Variants in RUVBL2 observed in about 807,000 individuals in gnomAD.
The protein encoded by RUVBL2 is RuvB like AAA ATPase 2.
A neutral mutation model predicts 57.9 loss-of-function variants in RUVBL2; 9 were observed. The ratio of observed to expected loss-of-function variants is 0.16; its 90% CI spans 0.09 to 0.27. RUVBL2 has a LOEUF of 0.27. Among genes scored for constraint, RUVBL2 ranks in the 10% least tolerant of loss-of-function variants. RUVBL2 has a pLI of 1.00. For missense variants in RUVBL2, 456 were observed against 669.6 expected (o/e 0.68, Z 3.52); for synonymous variants, 278 against 264.6 (o/e 1.05, Z -0.49).
At chr19:48,994,027 T>A in intron 1 of RUVBL2, 104 bp downstream of exon 1, 1 of 1,120,944 alleles carries the variant, frequency 8.9e-7, no homozygotes, top group South Asian at 1.4e-5. Flanking sequence ...AGGGGGGATC[T>A]GGGGGTTCAG....
intron 1 of RUVBL2, 199 bp downstream of exon 1, chr19:48,994,122 G>A (rs1169300359): frequency 1.8e-6 from 1 of 550,954 alleles, no homozygotes; most frequent in African/African-American, 1.9e-5. Context: ...TGGATCTGAG[G>A]CGGGGAGGGG....
In RUVBL2 at chr19:49,010,038, C is replaced by T; in HGVS notation, c.635C>T (p.Ala212Val). Residue 212 changes from alanine to valine, a missense_variant, in exon 8 of 15, where the codon GCC (alanine) becomes GTC (valine). Transcript: ENST00000595090. ...ISKLGRSFTR[A>V]RDYDAMGSQT... ...AAGCTGGGCCGCTCCTTCACACGCG[C>T]CCGCGACTACGACGCTATGGGCTCC... 1 of 1,595,622 alleles carries T rather than the reference C, an allele frequency of 6.3e-7. No individual in the cohort carries two copies. The highest frequency in any genetic ancestry group is 1.1e-5 in the South Asian group (1 of 88,740).
chr19:49,009,160 CAAAAAAAAAAAAAAAAAAAAAAA>C lies in RUVBL2; in HGVS notation c.463-602_463-580del, dbSNP rs61402282. Among the ~76,000 whole-genome samples, 58 of 21,428 alleles carry C rather than the reference CAAAAAAAAAAAAAAAAAAAAAAA, an allele frequency of 2.7e-3. 1 individual carries two copies. The highest frequency in any genetic ancestry group is 0.011 in the African/African-American group (49 of 4,664). 14.1% of individuals were successfully genotyped at this position (21,428 alleles called of 152,430 possible). On this transcript the variant is annotated intron_variant, in intron 6 of 14. Coordinates refer to ENST00000595090, the MANE Select transcript of RUVBL2 (RefSeq NM_006666.3). ...TGGGCGACAGAGCAAGACTCTATCT[CAAAAAAAAAAAAAAAAAAAAAAA>C]AAAAAAAAAAAAAGAGCTTTATTCA...
At chr19:48,993,655 G>C (rs766317280), upstream of RUVBL2, 59 of 590,986 alleles carry the variant, frequency 1.0e-4, no homozygotes, top group South Asian at 3.4e-4. Flanking sequence ...CGGCCTGAGC[G>C]GGGCGGTGGT....
intron 2 of RUVBL2, 129 bp downstream of exon 2, chr19:48,999,502 T>C: frequency 1.1e-6 from 1 of 897,430 alleles, no homozygotes; most frequent in Non-Finnish European, 1.8e-6. Context: ...CCACTACCAT[T>C]CCCCCACTCG....
intron 4 of RUVBL2, 62 bp from the exon 5 acceptor site, chr19:49,006,956 G>T: frequency 6.3e-7 from 1 of 1,592,752 alleles, no homozygotes; most frequent in Non-Finnish European, 8.6e-7. Context: ...GTTTGCCACA[G>T]AGCAGGTGTC....
chr19:49,004,115 CAAAAAAAAAAAAAAAAA>C (rs74182026), intron 3 of RUVBL2, 145 bp from the exon 4 acceptor site: 1 of 222,722 alleles, frequency 4.5e-6, no homozygotes, highest in Non-Finnish European at 7.2e-6. Context: ...GATCTTGTCT[CAAAAAAAAAAAAAAAAA>C]AAAAAAAAGC....
At position 49,009,959 on chromosome 19, in the gene RUVBL2, C is replaced by T. The variant is rs1207241676; in HGVS notation, c.570-14C>T. 2 of 1,608,004 alleles carry T rather than the reference C, an allele frequency of 1.2e-6. No individual in the cohort carries two copies. The highest frequency in any genetic ancestry group is 1.7e-6 in the Non-Finnish European group (2 of 1,175,966). On this transcript the variant is annotated splice_polypyrimidine_tract_variant and intron_variant, in intron 7 of 14. Coordinates refer to ENST00000595090, the MANE Select transcript of RUVBL2 (RefSeq NM_006666.3). ...CCCATTCCTTTCCTTACCCTACCCC[C>T]CATCCCCCTGTAGGGACGTGATCAC...
At position 49,009,851 on chromosome 19, in the gene RUVBL2, G is replaced by C. The variant is rs2039370974; in HGVS notation, c.538G>C (p.Glu180Gln). ...CTACGACCTGGGCACCAAGATGATT[G>C]AGTCCCTGACCAAGGACAAGGTCCA... ...TIYDLGTKMI[E>Q]SLTKDKVQAG... The change falls in exon 7 of 15, where the codon GAG becomes CAG. Residue 180 changes from glutamate (E) to glutamine (Q), a missense_variant. Transcript: ENST00000595090. The C allele has an allele frequency of 6.8e-6, 11 of 1,614,076 alleles. No individual in the cohort carries two copies. The highest frequency in any genetic ancestry group is 9.3e-6 in the Non-Finnish European group (11 of 1,179,994).
At chr19:49,004,115 CAAAAAAA>C (rs74182026) in intron 3 of RUVBL2, 155 bp from the exon 4 acceptor site, 45 of 293,018 alleles carry the variant, frequency 1.5e-4, no homozygotes, top group East Asian at 6.3e-4. Flanking sequence ...GATCTTGTCT[CAAAAAAA>C]AAAAAAAAAA....
At chr19:49,009,476 G>C (rs1022034313) in intron 6 of RUVBL2, among the ~76,000 whole-genome samples, 1 of 151,804 alleles carries the variant, frequency 6.6e-6, no homozygotes, top group Non-Finnish European at 1.5e-5. Flanking sequence ...GACAGAGCAA[G>C]ACTCCGTCTC....
At chr19:48,998,563 G>A (rs997762281) in intron 1 of RUVBL2, among the ~76,000 whole-genome samples, 2 of 151,860 alleles carry the variant, frequency 1.3e-5, no homozygotes, top group African/African-American at 2.4e-5. Flanking sequence ...AAAAAAATTA[G>A]CCAAGTGTGG....
intron 3 of RUVBL2, among the ~76,000 whole-genome samples, chr19:49,003,773 A>G (rs2039228677): frequency 7.1e-6 from 1 of 140,750 alleles, no homozygotes; most frequent in African/African-American, 2.7e-5. Flanking sequence ...GACATCTCGG[A>G]AAAAAAAAAA....
intron 6 of RUVBL2, 121 bp from the exon 7 acceptor site, chr19:49,009,655 C>A: frequency 1.2e-6 from 1 of 826,718 alleles, no homozygotes; most frequent in Non-Finnish European, 2.0e-6. Flanking sequence ...TTGTGTTGTG[C>A]CCATTTTGAA....
At chr19:48,999,729 C>T (rs558264499) in intron 2 of RUVBL2, among the ~76,000 whole-genome samples, 5 of 152,318 alleles carry the variant, frequency 3.3e-5, no homozygotes, top group East Asian at 3.9e-4. Flanking sequence ...TCGTGTCATT[C>T]CTAGCTGTGT....
At chr19:48,999,408 C>T (rs1374789555) in intron 2 of RUVBL2, 35 bp downstream of exon 2, 8 of 1,611,128 alleles carry the variant, frequency 5.0e-6, no homozygotes, top group Non-Finnish European at 6.8e-6. Flanking sequence ...GACCTAAGCC[C>T]TGCCTGCCAT....
At chr19:49,014,283 A>G (rs753483290) in intron 11 of RUVBL2, among the ~76,000 whole-genome samples, 2 of 152,222 alleles carry the variant, frequency 1.3e-5, no homozygotes, top group East Asian at 1.9e-4. Flanking sequence ...CTCCGCGGAA[A>G]GGTGCCCTTG....
In RUVBL2 at chr19:48,995,986, C is replaced by CAA. The variant is rs562564350; in HGVS notation, c.12+2078_12+2079dup. Among the ~76,000 whole-genome samples the CAA allele has an allele frequency of 9.4e-4, 79 of 83,686 alleles. 1 individual carries two copies. In the East Asian group the frequency reaches 0.01, roughly 11 times the overall value. The allele number at this position is 83,686 out of a possible 152,430, so 54.9% of individuals were successfully genotyped here. ...TGGGTGACAGAGTAAGGCTGTGTCTCAAAAAAAAAAAAAAAAGAAAAGAAA... is the reference window on the plus strand; with the variant it reads ...TGGGTGACAGAGTAAGGCTGTGTCTCAAAAAAAAAAAAAAAAAAGAAAAGAAA... On this transcript the variant is annotated intron_variant, in intron 1 of 14. Transcript: ENST00000595090.
At chr19:49,009,097 G>A (rs1192828679) in intron 6 of RUVBL2, among the ~76,000 whole-genome samples, 1 of 133,608 alleles carries the variant, frequency 7.5e-6, no homozygotes, top group African/African-American at 2.8e-5. Context: ...GGAGATGGAG[G>A]TTGGAGTGAG....
Sources: gnomAD v4.1 joint callset for allele counts (sites outside exome capture counted in the v4.1 genomes callset) on GRCh38, gnomAD v4.1.1 for gene constraint, MANE v1.5 for transcripts, NCBI Gene and HGNC (gene_info 2026-07-23, HGNC 2026-07-21) for gene names.